Variants in CYB5R3 observed in about 807,000 individuals in gnomAD.
CYB5R3 encodes NADH-cytochrome b5 reductase 3.
A neutral mutation model predicts 36.5 loss-of-function variants in CYB5R3; 28 were observed. The ratio of observed to expected loss-of-function variants is 0.77; its 90% CI spans 0.57 to 1.05. The LOEUF (loss-of-function observed/expected upper bound fraction) is 1.05, where lower values mean the gene tolerates loss of function less well. Ranked by LOEUF, CYB5R3 falls within the 50% of genes least tolerant of loss-of-function variation. The pLI is 0.00. For missense variants in CYB5R3, 474 were observed against 408.9 expected, an observed-to-expected ratio of 1.16 and a Z score of -1.37; for synonymous variants, 181 against 159.8, an observed-to-expected ratio of 1.13 and a Z score of -1.00.
rs368775899 is a variant in CYB5R3, at chr22:42,619,768, G to A, written c.*5C>T. The A allele has an allele frequency of 2.3e-4, 356 of 1,571,462 alleles. No individual in the cohort carries two copies. Among genetic ancestry groups the A allele is most frequent in the African/African-American group, 1.6e-3 (123 of 74,580 alleles). On this transcript the variant is annotated 3_prime_UTR_variant, in exon 9 of 9. Coordinates refer to ENST00000352397, the MANE Select transcript of CYB5R3 (RefSeq NM_000398.7). ...GGCGGGTGGCCGTGTGACCGTGCCCGGCCCTCAGAAGACGAAGCAGCGCTC... is the reference window on the plus strand; with the variant it reads ...GGCGGGTGGCCGTGTGACCGTGCCCAGCCCTCAGAAGACGAAGCAGCGCTC...
chr22:42,627,642 C>T lies in CYB5R3; in HGVS notation c.510G>A (p.Arg170=). The change falls in exon 6 of 9, where the codon AGG becomes AGA. Residue 170 remains arginine, a synonymous_variant. Transcript: ENST00000352397. ...RPDKKSNPII[R]TVKSVGMIAG... Reference sequence around the variant, plus strand: ...CGATCATGCCCACAGACTTCACTGTCCTGATGATAGGGTTGGACTTTTTGT... The same window carrying T: ...CGATCATGCCCACAGACTTCACTGTTCTGATGATAGGGTTGGACTTTTTGT... 1.2e-6 allele frequency: 2 copies of T among 1,614,176 alleles called. No individual in the cohort carries two copies. Among genetic ancestry groups the T allele is most frequent in the Non-Finnish European group, 1.7e-6 (2 of 1,180,024 alleles).
At chr22:42,646,716 A>C in intron 1 of CYB5R3, 2 of 985,488 alleles carry the variant, frequency 2.0e-6, no homozygotes, top group Non-Finnish European at 2.4e-6. Flanking sequence ...TCTAACCGGG[A>C]GGAAGTGGGA....
chr22:42,636,692 CAG>C, intron 2 of CYB5R3, 21 bp downstream of exon 2: 1 of 1,607,638 alleles, frequency 6.2e-7, no homozygotes, highest in East Asian at 2.2e-5. Flanking sequence ...GCTGACGAGG[CAG>C]CGGCGGCGGC....
rs775484973 is a variant in CYB5R3, at chr22:42,628,264, G to A, written c.351C>T (p.Thr117=). 1.6e-5 allele frequency: 26 copies of A among 1,613,860 alleles called. No individual in the cohort carries two copies. Among genetic ancestry groups the A allele is most frequent in the Middle Eastern group, 3.3e-4 (2 of 6,084 alleles). The change falls in exon 5 of 9, where the codon ACC becomes ACT. Residue 117 remains threonine (T), a synonymous_variant. Coordinates refer to ENST00000352397, the MANE Select transcript of CYB5R3 (RefSeq NM_000398.7). ...TCCCTCCAGCGGGAAACTTGGGATG[G>A]GTGTCCTTGAAGTAAACCTGCAAGA... ...DLVIKVYFKD[T]HPKFPAGGKM... is the part of the protein sequence containing the mutation.
At chr22:42,647,222 G>C (rs1338870683) in intron 1 of CYB5R3, among the ~76,000 whole-genome samples, 1 of 152,170 alleles carries the variant, frequency 6.6e-6, no homozygotes, top group Non-Finnish European at 1.5e-5. Flanking sequence ...ACCCACCCTT[G>C]GAGAGATGGG....
At chr22:42,637,646 T>C (rs1219780650) in intron 1 of CYB5R3, among the ~76,000 whole-genome samples, 1 of 151,972 alleles carries the variant, frequency 6.6e-6, no homozygotes, top group African/African-American at 2.4e-5. Flanking sequence ...GCTGAGACCC[T>C]ACAGCTCAGA....
chr22:42,623,610 G>C (rs538503500), intron 8 of CYB5R3, among the ~76,000 whole-genome samples, 179 bp downstream of exon 8: 4 of 152,328 alleles, frequency 2.6e-5, no homozygotes, highest in Non-Finnish European at 5.9e-5. Flanking sequence ...GTTTCCGGCT[G>C]TGTGGCTTCA....
At chr22:42,623,320 G>C (rs1928083302) in intron 8 of CYB5R3, among the ~76,000 whole-genome samples, 1 of 152,230 alleles carries the variant, frequency 6.6e-6, no homozygotes, top group Non-Finnish European at 1.5e-5. Context: ...TCAGCCACTG[G>C]ACAGGTGGAA....
rs572481446 is a variant in CYB5R3 at position 42,628,402 on chromosome 22, C to T, written c.334-121G>A. 5.9e-4 allele frequency: 754 copies of T among 1,278,076 alleles called. 2 individuals are homozygous for T. Among genetic ancestry groups the T allele is most frequent in the Non-Finnish European group, 7.7e-4 (684 of 892,176 alleles). 79.2% of individuals were successfully genotyped at this position (1,278,076 alleles called of 1,614,324 possible). ...TTCTGAGGCCCACACATGGCCTTCTCCCGTGGAGCCCCATCCACCCAGCCG... is the reference window on the plus strand; with the variant it reads ...TTCTGAGGCCCACACATGGCCTTCTTCCGTGGAGCCCCATCCACCCAGCCG... On this transcript the variant is annotated intron_variant, in intron 4 of 8. Transcript: ENST00000352397.
chr22:42,625,213 A>G (rs1928199715), intron 7 of CYB5R3, among the ~76,000 whole-genome samples: 1 of 152,112 alleles, frequency 6.6e-6, no homozygotes, highest in Non-Finnish European at 1.5e-5. Context: ...ACTATGTGTA[A>G]CTTTCTTTTT....
At chr22:42,622,209 C>T (rs1300353503) in intron 8 of CYB5R3, among the ~76,000 whole-genome samples, 4 of 152,168 alleles carry the variant, frequency 2.6e-5, no homozygotes, top group East Asian at 1.9e-4. Context: ...CGTGAGCCAC[C>T]GCGCCCGGCC....
chr22:42,626,798 T>C (rs936067554), intron 7 of CYB5R3, among the ~76,000 whole-genome samples: 1 of 151,180 alleles, frequency 6.6e-6, no homozygotes, highest in Non-Finnish European at 1.5e-5. Context: ...AGAGGGAAAG[T>C]AGCTCGTCCA....
At chr22:42,625,106 A>C (rs1569317583) in intron 7 of CYB5R3, among the ~76,000 whole-genome samples, 1 of 152,354 alleles carries the variant, frequency 6.6e-6, no homozygotes, top group Non-Finnish European at 1.5e-5. Context: ...CAAGGAAAAA[A>C]ATACAGAAAA....
chr22:42,643,605 C>T (rs1286383828), intron 1 of CYB5R3, among the ~76,000 whole-genome samples: 3 of 152,144 alleles, frequency 2.0e-5, no homozygotes, highest in African/African-American at 7.2e-5. Context: ...GTATTTGACC[C>T]ATGGGTCTAA....
chr22:42,640,850 A>G (rs1929229554), intron 1 of CYB5R3, among the ~76,000 whole-genome samples: 1 of 150,748 alleles, frequency 6.6e-6, no homozygotes. Flanking sequence ...CTTCCTTATG[A>G]TTTTTTTTTC....
At chr22:42,639,843 CTTT>C (rs59947151) in intron 1 of CYB5R3, 68,084 of 980,602 alleles carry the variant, frequency 0.069, 538 homozygotes, top group Non-Finnish European at 0.075. Flanking sequence ...GCTTGATTCA[CTTT>C]TTTTTTTTTT....
intron 8 of CYB5R3, among the ~76,000 whole-genome samples, chr22:42,621,294 C>T (rs1172064275): frequency 6.6e-6 from 1 of 152,102 alleles, no homozygotes; most frequent in Non-Finnish European, 1.5e-5. Flanking sequence ...TCATAATGCC[C>T]TCCAGCCTGG....
chr22:42,646,445 C>T (rs1401763928), intron 1 of CYB5R3, among the ~76,000 whole-genome samples: 2 of 152,180 alleles, frequency 1.3e-5, no homozygotes, highest in Admixed American at 6.5e-5. Context: ...TAGCTCTGCT[C>T]CCCACACATA....
At chr22:42,622,512 G>C (rs926571901) in intron 8 of CYB5R3, among the ~76,000 whole-genome samples, 1 of 152,138 alleles carries the variant, frequency 6.6e-6, no homozygotes, top group Non-Finnish European at 1.5e-5. Context: ...GGCCGGACAC[G>C]GTGACAACCC....
Sources: gnomAD v4.1 joint callset for allele counts (sites outside exome capture counted in the v4.1 genomes callset) on GRCh38, gnomAD v4.1.1 for gene constraint, MANE v1.5 for transcripts, NCBI Gene and HGNC (gene_info 2026-07-23, HGNC 2026-07-21) for gene names.